Variants in CTNNA3 observed in about 807,000 individuals in gnomAD.
The protein encoded by CTNNA3 is catenin alpha-3.
Under a neutral mutation model 95.7 loss-of-function variants are expected in CTNNA3, and 76 were observed. The ratio of observed to expected loss-of-function variants is 0.79; its 90% CI spans 0.66 to 0.96. The LOEUF is 0.96. Ranked by LOEUF, CTNNA3 falls within the 40% of genes least tolerant of loss-of-function variation. The probability of loss-of-function intolerance (pLI) is 0.00; values close to 1 mark genes in which losing one functional copy is unlikely to be tolerated. For synonymous variants in CTNNA3, 431 were observed against 374.4 expected, an observed-to-expected ratio of 1.15 and a Z score of -1.74; for missense variants, 1,191 against 1,089.8, an observed-to-expected ratio of 1.09 and a Z score of -1.31.
chr10:67,626,760 T>A (rs1838970880), intron 2 of CTNNA3, among the ~76,000 whole-genome samples: 1 of 150,896 alleles, frequency 6.6e-6, no homozygotes, highest in Non-Finnish European at 1.5e-5. Flanking sequence ...CATGTATACG[T>A]GTGTGTTGTA....
intron 7 of CTNNA3, among the ~76,000 whole-genome samples, chr10:66,888,297 A>T (rs1845122667): frequency 6.6e-6 from 1 of 152,194 alleles, no homozygotes; most frequent in Non-Finnish European, 1.5e-5. Flanking sequence ...GAATTCTGTA[A>T]ACACTTTAAG....
intron 11 of CTNNA3, among the ~76,000 whole-genome samples, chr10:66,444,723 C>T (rs919345603): frequency 6.6e-6 from 1 of 152,116 alleles, no homozygotes; most frequent in Non-Finnish European, 1.5e-5. Flanking sequence ...CAAAAACATA[C>T]CAAAATGTAA....
intron 7 of CTNNA3, among the ~76,000 whole-genome samples, chr10:67,126,806 A>T (rs888902631): frequency 3.3e-5 from 5 of 152,242 alleles, no homozygotes; most frequent in African/African-American, 1.2e-4. Context: ...AACCTAATGT[A>T]ACAATGAGAC....
intron 4 of CTNNA3, among the ~76,000 whole-genome samples, chr10:67,531,289 C>G (rs188870056): frequency 6.6e-6 from 1 of 152,320 alleles, no homozygotes; most frequent in Non-Finnish European, 1.5e-5. Flanking sequence ...CGCAGACACT[C>G]AATGGCAACC....
chr10:67,492,146 A>G (rs1848670684), intron 5 of CTNNA3, among the ~76,000 whole-genome samples: 1 of 152,034 alleles, frequency 6.6e-6, no homozygotes, highest in Admixed American at 6.6e-5. Flanking sequence ...GAAAAATGAG[A>G]AGGAGAGAAA....
chr10:67,026,652 G>C (rs1263278820), intron 7 of CTNNA3, among the ~76,000 whole-genome samples: 1 of 152,018 alleles, frequency 6.6e-6, no homozygotes, highest in Non-Finnish European at 1.5e-5. Flanking sequence ...TTAAACCCTG[G>C]GAGGAAACCA....
At chr10:66,386,815 T>C (rs1419301072) in intron 11 of CTNNA3, among the ~76,000 whole-genome samples, 1 of 152,146 alleles carries the variant, frequency 6.6e-6, no homozygotes, top group African/African-American at 2.4e-5. Context: ...ATCTGATCTT[T>C]GACAAACCTG....
intron 7 of CTNNA3, among the ~76,000 whole-genome samples, chr10:66,983,136 C>A (rs1015236156): frequency 1.9e-4 from 29 of 152,164 alleles, no homozygotes; most frequent in African/African-American, 6.8e-4. Flanking sequence ...GACTTAAAAA[C>A]TAATGAGCAA....
intron 2 of CTNNA3, among the ~76,000 whole-genome samples, chr10:67,634,469 CACA>C (rs1036150471): frequency 3.3e-5 from 5 of 152,178 alleles, no homozygotes; most frequent in Non-Finnish European, 5.9e-5. Context: ...ATCAGATTCA[CACA>C]ACAAGATTAA....
At position 67,140,269 on chromosome 10, in the gene CTNNA3, A is replaced by T. The variant is rs189548129; in HGVS notation, c.1047+40048T>A. Among the ~76,000 whole-genome samples, 42 of 152,262 alleles carry T rather than the reference A, an allele frequency of 2.8e-4. 1 individual carries two copies. Among genetic ancestry groups the T allele is most frequent in the Admixed American group, 1.1e-3 (17 of 15,286 alleles). ...TTTATTTGTAGGTCAATTTTATAAAATTCTCTTTTTGAGTGTTATGGTTAA... is the reference window on the plus strand; with the variant it reads ...TTTATTTGTAGGTCAATTTTATAAATTTCTCTTTTTGAGTGTTATGGTTAA... On this transcript the variant is annotated intron_variant, in intron 7 of 17. Coordinates refer to ENST00000433211, the MANE Select transcript of CTNNA3 (RefSeq NM_013266.4).
chr10:66,913,238 CA>C (rs1161880781), intron 7 of CTNNA3, among the ~76,000 whole-genome samples: 93 of 33,526 alleles, frequency 2.8e-3, no homozygotes, highest in South Asian at 9.0e-3. Context: ...GACTCCGTCT[CA>C]AAAAAAAAAA....
chr10:67,049,305 G>T (rs551093694), intron 7 of CTNNA3, among the ~76,000 whole-genome samples: 80 of 152,124 alleles, frequency 5.3e-4, no homozygotes, highest in Middle Eastern at 6.8e-3. Flanking sequence ...AACCAATGAT[G>T]AAGGCTCAAC....
At chr10:66,330,212 T>TC (rs755071498) in intron 12 of CTNNA3, among the ~76,000 whole-genome samples, 2 of 150,644 alleles carry the variant, frequency 1.3e-5, no homozygotes, top group African/African-American at 2.4e-5. Flanking sequence ...ATGCTATCCC[T>TC]CCCCCCCTCT....
chr10:66,639,253 C>T (rs765972104), intron 9 of CTNNA3, among the ~76,000 whole-genome samples: 3 of 152,004 alleles, frequency 2.0e-5, no homozygotes, highest in Non-Finnish European at 4.4e-5. Context: ...TTATGAGTTA[C>T]AGTGAGTATT....
intron 7 of CTNNA3, among the ~76,000 whole-genome samples, chr10:67,163,380 T>C (rs917764450): frequency 5.3e-5 from 8 of 151,944 alleles, no homozygotes; most frequent in African/African-American, 1.9e-4. Flanking sequence ...TTATGTAAAT[T>C]GATGCAGAAA....
intron 10 of CTNNA3, among the ~76,000 whole-genome samples, chr10:66,575,994 A>G (rs1383175911): frequency 1.3e-5 from 2 of 152,116 alleles, no homozygotes; most frequent in Non-Finnish European, 1.5e-5. Context: ...TGGACACATG[A>G]TCTAGTAAGA....
rs1046630620 is a variant in CTNNA3 at position 67,392,113 on chromosome 10, C to A, written c.579+129729G>T. Among the ~76,000 whole-genome samples the A allele has an allele frequency of 1.9e-4, 29 of 152,170 alleles. 1 individual carries two copies. The highest frequency in any genetic ancestry group is 6.8e-4 in the African/African-American group (28 of 41,446). ...CAAAACAAACTACCATCAGAGTGAA[C>A]AGGCAACCTACAAAATGGGAGAAAA... On this transcript the variant is annotated intron_variant, in intron 5 of 17. Coordinates refer to ENST00000433211, the MANE Select transcript of CTNNA3 (RefSeq NM_013266.4).
intron 12 of CTNNA3, among the ~76,000 whole-genome samples, chr10:66,316,995 T>C (rs1182066598): frequency 6.6e-6 from 1 of 152,112 alleles, no homozygotes. Flanking sequence ...ATAAGATAGA[T>C]GAAAGTTCAT....
chr10:66,736,602 C>T (rs1291480723), intron 9 of CTNNA3, among the ~76,000 whole-genome samples: 1 of 152,000 alleles, frequency 6.6e-6, no homozygotes, highest in East Asian at 1.9e-4. Flanking sequence ...CCACTGTGTA[C>T]AGCTTTGTAA....
Sources: allele counts gnomAD v4.1 joint callset (sites outside exome capture counted in the v4.1 genomes callset), GRCh38; gene constraint gnomAD v4.1.1; transcripts MANE v1.5; gene names NCBI Gene and HGNC (gene_info 2026-07-23, HGNC 2026-07-21).